The following TNRC6B variants were observed in gnomAD, a reference collection of about 807,000 sequenced individuals.
TNRC6B encodes the protein trinucleotide repeat-containing gene 6B protein.
TNRC6B carries 52 observed loss-of-function variants against 203.6 expected under a neutral mutation model. The ratio of observed to expected loss-of-function variants is 0.26; its 90% CI spans 0.20 to 0.32. The LOEUF (loss-of-function observed/expected upper bound fraction) is 0.32. TNRC6B is among the 10% of genes least tolerant of loss of function. The pLI, the probability that TNRC6B is intolerant of heterozygous loss-of-function variation, is 1.00. For missense variants in TNRC6B, 1,923 were observed against 2,286.2 expected, an observed-to-expected ratio of 0.84 and a Z score of 3.24; for synonymous variants, 838 against 845.7, an observed-to-expected ratio of 0.99 and a Z score of 0.16.
intron 12 of TNRC6B, among the ~76,000 whole-genome samples, chr22:40,286,191 G>C (rs773415714): frequency 1.3e-5 from 2 of 152,240 alleles, no homozygotes; most frequent in Admixed American, 1.3e-4. Context: ...AGAGAATTCA[G>C]CCTGGCACAG....
At chr22:40,154,966 C>A (rs1440345618) in intron 3 of TNRC6B, among the ~76,000 whole-genome samples, 1 of 131,750 alleles carries the variant, frequency 7.6e-6, no homozygotes, top group Non-Finnish European at 1.5e-5. Context: ...TTTATAGAAT[C>A]ATACTACATA....
chr22:40,201,784 C>G (rs1342248550), intron 1 of TNRC6B, among the ~76,000 whole-genome samples: 1 of 151,950 alleles, frequency 6.6e-6, no homozygotes, highest in Non-Finnish European at 1.5e-5. Flanking sequence ...CTCTACAACC[C>G]AAAATGCTCC....
At chr22:40,079,045 G>A (rs2068043966) in intron 1 of TNRC6B, among the ~76,000 whole-genome samples, 1 of 151,796 alleles carries the variant, frequency 6.6e-6, no homozygotes, top group African/African-American at 2.4e-5. Flanking sequence ...TTGCACTCCA[G>A]CCTGGGCGAC....
chr22:40,330,691 G>T lies in TNRC6B; in HGVS notation c.*7450G>T, dbSNP rs1057087329. On this transcript the variant is annotated 3_prime_UTR_variant, in exon 23 of 23. Transcript: ENST00000454349. ...CCGCCCTTTTTAAATTTTGTCTAAGGAATTACTTAAGTATAGTATTTCTGA... is the reference window on the plus strand; with the variant it reads ...CCGCCCTTTTTAAATTTTGTCTAAGTAATTACTTAAGTATAGTATTTCTGA... The T allele has an allele frequency of 4.6e-5, 7 of 152,740 alleles. No individual in the cohort carries two copies. Among genetic ancestry groups the T allele is most frequent in the African/African-American group, 1.7e-4 (7 of 41,560 alleles). The allele number at this position is 152,740 out of a possible 1,614,324, so 9.5% of individuals were successfully genotyped here.
At chr22:40,109,096 C>T (rs779590546) in intron 1 of TNRC6B, among the ~76,000 whole-genome samples, 7 of 152,164 alleles carry the variant, frequency 4.6e-5, no homozygotes, top group Non-Finnish European at 1.0e-4. Context: ...ATCCGTGTTC[C>T]TGCGAAGCAC....
rs551435419 is a variant in TNRC6B at position 40,094,106 on chromosome 22, TA to T, written c.-120-22941del. The stretch of plus-strand genomic sequence containing the variant: ...ATTATGTACTCATAATAATTAAAAA[TA>T]AAAAAAATTTTAAAAACAGGATGAC... On this transcript the variant is annotated intron_variant, in intron 1 of 23. Transcript: ENST00000301923. Among the ~76,000 whole-genome samples the T allele has an allele frequency of 4.7e-4, 71 of 152,068 alleles. No individual in the cohort carries two copies. The South Asian group carries it at 0.013, about 29-fold the overall frequency.
intron 1 of TNRC6B, among the ~76,000 whole-genome samples, chr22:40,045,930 AT>A (rs2067684105): frequency 6.6e-6 from 1 of 152,202 alleles, no homozygotes; most frequent in African/African-American, 2.4e-5. Flanking sequence ...ACTTTTTAGC[AT>A]CAGTGCTAGA....
At chr22:40,150,224 A>C (rs1035218124) in intron 3 of TNRC6B, among the ~76,000 whole-genome samples, 1 of 152,046 alleles carries the variant, frequency 6.6e-6, no homozygotes, top group African/African-American at 2.4e-5. Context: ...AAAAAATACA[A>C]AAAATTAGCC....
At chr22:40,232,085 A>G (rs1429685297) in intron 1 of TNRC6B, among the ~76,000 whole-genome samples, 5 of 152,224 alleles carry the variant, frequency 3.3e-5, no homozygotes, top group Non-Finnish European at 7.3e-5. Context: ...CGGTATTAAT[A>G]GAGATACATA....
intron 15 of TNRC6B, 138 bp from the exon 16 acceptor site, chr22:40,308,374 A>T: frequency 1.0e-6 from 1 of 1,002,888 alleles, no homozygotes; most frequent in Non-Finnish European, 1.5e-6. Context: ...AAAGCTTGGA[A>T]TCAAAAATAC....
intron 12 of TNRC6B, among the ~76,000 whole-genome samples, chr22:40,291,967 T>C (rs1416141235): frequency 6.6e-6 from 1 of 152,114 alleles, no homozygotes; most frequent in Non-Finnish European, 1.5e-5. Flanking sequence ...CCAAGGCAGG[T>C]GGATCACCTG....
At chr22:40,251,606 C>T (rs990648890) in intron 3 of TNRC6B, among the ~76,000 whole-genome samples, 1 of 152,006 alleles carries the variant, frequency 6.6e-6, no homozygotes, top group African/African-American at 2.4e-5. Context: ...GTAATCCCAG[C>T]TCCTTGGGAG....
intron 3 of TNRC6B, among the ~76,000 whole-genome samples, chr22:40,146,561 A>ATTT (rs59901929): frequency 3.9e-4 from 43 of 109,214 alleles, no homozygotes; most frequent in Admixed American, 5.4e-4. Flanking sequence ...CGCCCGGCTA[A>ATTT]TTTTTTTTTT....
chr22:40,155,970 A>G (rs1282998708), intron 3 of TNRC6B: 3 of 587,220 alleles, frequency 5.1e-6, no homozygotes, highest in South Asian at 2.7e-5. Flanking sequence ...CTCAAGGAGA[A>G]GTTTGAAAAC....
chr22:40,047,148 G>C (rs1205646457), intron 1 of TNRC6B, among the ~76,000 whole-genome samples: 1 of 152,076 alleles, frequency 6.6e-6, no homozygotes, highest in Non-Finnish European at 1.5e-5. Context: ...TGCAGTTCCA[G>C]GGCATAGGTT....
Position 40,335,162 on chromosome 22 carries a change from C to CTTTT in TNRC6B, c.*11945_*11948dup, listed in dbSNP as rs60665459. 3.6e-5 allele frequency: 2 copies of CTTTT among 54,870 alleles called. No homozygotes were observed. The highest frequency in any genetic ancestry group is 7.0e-5 in the African/African-American group (1 of 14,350). The allele number at this position is 54,870 out of a possible 1,614,324, so 3.4% of individuals were successfully genotyped here. The stretch of plus-strand genomic sequence containing the variant: ...GAGAAAAGGGAGGATGTGGCATTGT[C>CTTTT]TTTTTTTTTTTTTTTTTTTTTTTTT... On this transcript the variant is annotated 3_prime_UTR_variant, in exon 23 of 23. Coordinates refer to ENST00000454349, the MANE Select transcript of TNRC6B (RefSeq NM_001162501.2).
At chr22:40,153,109 T>A (rs1188069886) in intron 3 of TNRC6B, among the ~76,000 whole-genome samples, 1 of 151,904 alleles carries the variant, frequency 6.6e-6, no homozygotes, top group African/African-American at 2.4e-5. Flanking sequence ...TCAAAAAAAA[T>A]AAAAATAAAT....
chr22:40,310,743 C>T, intron 16 of TNRC6B, 74 bp from the exon 17 acceptor site: 6 of 1,428,344 alleles, frequency 4.2e-6, no homozygotes, highest in East Asian at 2.4e-5. Flanking sequence ...TGTTTGCATT[C>T]CAGCGAATAA....
At chr22:40,309,097 A>T (rs1227404659) in intron 16 of TNRC6B, among the ~76,000 whole-genome samples, 5 of 152,260 alleles carry the variant, frequency 3.3e-5, no homozygotes, top group African/African-American at 1.2e-4. Flanking sequence ...TGAACTTTTC[A>T]CAAAGCTTTC....
Sources: gnomAD v4.1 joint callset for allele counts (sites outside exome capture counted in the v4.1 genomes callset) on GRCh38, gnomAD v4.1.1 for gene constraint, MANE v1.5 for transcripts, NCBI Gene and HGNC (gene_info 2026-07-23, HGNC 2026-07-21) for gene names.